TEX14: variants seen among roughly 807,000 people sequenced by gnomAD.
The protein encoded by TEX14 is testis expressed 14, intercellular bridge forming factor, also known as inactive serine/threonine-protein kinase TEX14.
Under a neutral mutation model 178.6 loss-of-function variants are expected in TEX14, and 168 were observed. The ratio of observed to expected loss-of-function variants is 0.94; its 90% CI spans 0.83 to 1.07. The LOEUF (loss-of-function observed/expected upper bound fraction) is 1.07. Ranked by LOEUF, TEX14 falls within the 50% of genes least tolerant of loss-of-function variation. The probability of loss-of-function intolerance (pLI) is 0.00; values close to 1 mark genes in which losing one functional copy is unlikely to be tolerated. For synonymous variants in TEX14, 626 were observed against 634.1 expected (o/e 0.99, Z 0.19); for missense variants, 1,730 against 1,753.6 (o/e 0.99, Z 0.24).
chr17:58,622,544 G>A (rs559775153), intron 4 of TEX14, among the ~76,000 whole-genome samples: 1 of 152,016 alleles, frequency 6.6e-6, no homozygotes, highest in South Asian at 2.1e-4. Flanking sequence ...TACCTGAGAG[G>A]TTGTTGTGAA....
At chr17:58,574,054 G>T in intron 22 of TEX14, 133 bp downstream of exon 22, 1 of 698,126 alleles carries the variant, frequency 1.4e-6, no homozygotes, top group Non-Finnish European at 2.5e-6. Context: ...ACAACTTTTT[G>T]GTGAAAGAAG....
chr17:58,660,618 T>C lies in TEX14; in HGVS notation c.-1-8616A>G, dbSNP rs753253316. On this transcript the variant is annotated intron_variant, in intron 1 of 31. Transcript: ENST00000349033. ...CGGTTGCCGTAGCCCCTAGGGTGGGTGTCCTTCCAGTCATCCCACTCTCGA... is the reference window on the plus strand; with the variant it reads ...CGGTTGCCGTAGCCCCTAGGGTGGGCGTCCTTCCAGTCATCCCACTCTCGA... 6 of 791,528 alleles carry C rather than the reference T, an allele frequency of 7.6e-6. No individual in the cohort carries two copies. In the African/African-American group the frequency reaches 8.4e-5, roughly 11 times the overall value. 49.0% of individuals were successfully genotyped at this position (791,528 alleles called of 1,614,324 possible).
In TEX14 at chr17:58,616,174, C is replaced by T; in HGVS notation, c.767+1G>A. Reference sequence around the variant, plus strand: ...CCTCAAACTGGCCAGCCCCCACTTACTTGGTCATGACCATGTAGGGGCCGC... The same window carrying T: ...CCTCAAACTGGCCAGCCCCCACTTATTTGGTCATGACCATGTAGGGGCCGC... On this transcript the variant is annotated splice_donor_variant, in intron 7 of 31. Transcript: ENST00000349033. LOFTEE classifies it high-confidence loss of function. 1 of 1,610,900 alleles carries T rather than the reference C, an allele frequency of 6.2e-7. No individual in the cohort carries two copies. The highest frequency in any genetic ancestry group is 8.5e-7 in the Non-Finnish European group (1 of 1,179,016).
intron 1 of TEX14, among the ~76,000 whole-genome samples, chr17:58,684,494 G>A (rs1403037399): frequency 6.6e-6 from 1 of 151,066 alleles, no homozygotes; most frequent in Non-Finnish European, 1.5e-5. Context: ...CATATTAGCC[G>A]GGCATGGTGA....
intron 6 of TEX14, 133 bp from the exon 7 acceptor site, chr17:58,616,438 CTT>C (rs11454189): frequency 5.3e-3 from 4,199 of 791,184 alleles, no homozygotes; most frequent in South Asian, 9.2e-3. Context: ...TGCACTGGGC[CTT>C]TTTTTTTTTT....
chr17:58,675,512 T>G (rs186509140), intron 1 of TEX14: 1 of 152,242 alleles, frequency 6.6e-6, no homozygotes, highest in African/African-American at 2.4e-5. Flanking sequence ...AATACAATAT[T>G]GGGGTTATGT....
intron 26 of TEX14, among the ~76,000 whole-genome samples, chr17:58,567,096 G>T (rs2044417656): frequency 1.3e-5 from 2 of 152,180 alleles, no homozygotes; most frequent in Admixed American, 1.3e-4. Context: ...GAACCCTGGA[G>T]GTGAAGGTTG....
At chr17:58,605,510 C>A (rs1211024648) in intron 10 of TEX14, among the ~76,000 whole-genome samples, 1 of 152,176 alleles carries the variant, frequency 6.6e-6, no homozygotes, top group Non-Finnish European at 1.5e-5. Context: ...TGAGCTAGTC[C>A]ACACTGCTTC....
At chr17:58,668,532 T>C (rs2047250904) in intron 1 of TEX14, among the ~76,000 whole-genome samples, 1 of 152,196 alleles carries the variant, frequency 6.6e-6, no homozygotes, top group Non-Finnish European at 1.5e-5. Flanking sequence ...GGAGAAGAAC[T>C]TCACACACCT....
chr17:58,671,501 G>A (rs2047303053), intron 1 of TEX14, among the ~76,000 whole-genome samples: 1 of 152,060 alleles, frequency 6.6e-6, no homozygotes, highest in Admixed American at 6.6e-5. Flanking sequence ...TTCTTCTCCT[G>A]GGGTCGCAGC....
chr17:58,624,272 G>A (rs961438155), intron 3 of TEX14, among the ~76,000 whole-genome samples: 9 of 151,882 alleles, frequency 5.9e-5, no homozygotes, highest in African/African-American at 2.2e-4. Context: ...CAGCCTGGGA[G>A]ACAGAGCGAG....
chr17:58,559,435 A>G lies in TEX14; in HGVS notation c.4267+18T>C, dbSNP rs2044225048. ...CCAAGGACTACAGACTACATTATAA[A>G]CATACATTAATTCATACCTTCTTCA... On this transcript the variant is annotated intron_variant, in intron 30 of 31. Coordinates refer to ENST00000349033, the MANE Select transcript of TEX14 (RefSeq NM_031272.5). The G allele has an allele frequency of 9.1e-7, 1 of 1,097,848 alleles. No homozygotes were observed. The highest frequency in any genetic ancestry group is 1.3e-5 in the South Asian group (1 of 77,148). The allele number at this position is 1,097,848 out of a possible 1,614,324, so 68.0% of individuals were successfully genotyped here.
chr17:58,666,156 A>G (rs1479936635), intron 1 of TEX14, among the ~76,000 whole-genome samples: 3 of 152,118 alleles, frequency 2.0e-5, no homozygotes, highest in Non-Finnish European at 2.9e-5. Context: ...CAGCCTTGCC[A>G]ACATGGTAAG....
At chr17:58,673,050 A>G (rs2047329243) in intron 1 of TEX14, among the ~76,000 whole-genome samples, 1 of 151,834 alleles carries the variant, frequency 6.6e-6, no homozygotes, top group Non-Finnish European at 1.5e-5. Context: ...TTTTATACAT[A>G]CTTTTTTTAA....
chr17:58,641,691 G>C (rs1254065115), intron 2 of TEX14, among the ~76,000 whole-genome samples: 1 of 151,702 alleles, frequency 6.6e-6, no homozygotes, highest in Admixed American at 6.6e-5. Flanking sequence ...ATTTTTAGTA[G>C]AGACAGGGTT....
intron 10 of TEX14, among the ~76,000 whole-genome samples, chr17:58,607,722 C>G (rs896559948): frequency 3.3e-5 from 5 of 152,230 alleles, no homozygotes; most frequent in African/African-American, 9.6e-5. Flanking sequence ...CCATCACTGA[C>G]AAAAGTGCAC....
chr17:58,658,747 A>T (rs2047021594), intron 1 of TEX14, among the ~76,000 whole-genome samples: 1 of 152,128 alleles, frequency 6.6e-6, no homozygotes. Context: ...CTGCACAGAA[A>T]AACTGAACTA....
intron 14 of TEX14, among the ~76,000 whole-genome samples, chr17:58,595,387 C>T (rs1304702721): frequency 6.6e-6 from 1 of 152,200 alleles, no homozygotes; most frequent in East Asian, 1.9e-4. Context: ...CAATTCCCTC[C>T]TGTCCACCCT....
At chr17:58,564,284 A>C (rs2044351297) in intron 28 of TEX14, 1 of 152,284 alleles carries the variant, frequency 6.6e-6, no homozygotes, top group South Asian at 2.1e-4. Flanking sequence ...GAAGCAACCT[A>C]AATGTCCATC....
Sources: gnomAD v4.1 joint callset for allele counts (sites outside exome capture counted in the v4.1 genomes callset) on GRCh38, gnomAD v4.1.1 for gene constraint, MANE v1.5 for transcripts, NCBI Gene and HGNC (gene_info 2026-07-23, HGNC 2026-07-21) for gene names.